SYTL4: variants seen among roughly 807,000 people sequenced by gnomAD.
SYTL4 encodes synaptotagmin like 4, also known as synaptotagmin-like protein 4.
In SYTL4, 16 loss-of-function variants were observed where a neutral mutation model predicts 52.7. The observed-to-expected ratio is 0.30, with a 90% CI of 0.21 to 0.46. The LOEUF (loss-of-function observed/expected upper bound fraction) is 0.46, where lower values mean the gene tolerates loss of function less well. SYTL4 is among the 20% of genes least tolerant of loss of function. SYTL4 has a pLI of 1.00. For missense variants in SYTL4, 423 were observed against 519.9 expected (o/e 0.81, Z 1.81); for synonymous variants, 160 against 186.6 (o/e 0.86, Z 1.16).
At chrX:100,676,511 A>G (rs1319301424) in intron 19 of SYTL4, among the ~76,000 whole-genome samples, 1 of 111,492 alleles carries the variant, frequency 9.0e-6, no homozygotes, top group Non-Finnish European at 1.9e-5. Context: ...TTTGAGACGG[A>G]GCCTCGCTCT....
At chrX:100,728,155 C>T (rs1464403196) in intron 2 of SYTL4, among the ~76,000 whole-genome samples, 2 of 111,434 alleles carry the variant, frequency 1.8e-5, no homozygotes, top group East Asian at 5.6e-4. Context: ...GCTGGGGAGA[C>T]AAATTTAGTA....
chrX:100,709,755 T>C (rs1317577521), intron 2 of SYTL4, among the ~76,000 whole-genome samples: 1 of 112,446 alleles, frequency 8.9e-6, no homozygotes, highest in Non-Finnish European at 1.9e-5. Context: ...GTGTTACCTA[T>C]TTTTGTCAGT....
intron 2 of SYTL4, among the ~76,000 whole-genome samples, chrX:100,725,344 G>A (rs773353636): frequency 8.9e-4 from 100 of 111,969 alleles, no homozygotes; most frequent in Non-Finnish European, 1.7e-3. Flanking sequence ...GACAGAGAGC[G>A]TGAATAGATA....
intron 2 of SYTL4, among the ~76,000 whole-genome samples, chrX:100,707,901 C>G (rs1361201172): frequency 1.8e-5 from 2 of 111,378 alleles, no homozygotes; most frequent in Non-Finnish European, 3.8e-5. Context: ...AATATAGCAT[C>G]CTTGTGGGAC....
intron 8 of SYTL4, among the ~76,000 whole-genome samples, chrX:100,692,210 A>C (rs1021186809): frequency 2.7e-5 from 3 of 111,691 alleles, no homozygotes; most frequent in Non-Finnish European, 5.6e-5. Context: ...GTGCTCCCAT[A>C]GCATCCTGAT....
chrX:100,679,404 C>T lies in SYTL4; in HGVS notation c.1567G>A (p.Gly523Arg). 8.3e-7 allele frequency: 1 copy of T among 1,204,067 alleles called. No individual in the cohort carries two copies. The change falls in exon 18 of 20, where the codon GGG (glycine) becomes AGG (arginine). Residue 523 changes from glycine (G) to arginine (R), a missense_variant. By Grantham distance (125) the Gly-to-Arg change is moderately radical. Transcript: ENST00000372989. ...CACACCTGGAGCTCTCCCCCTTCCC[C>T]ACCTTTACCTGTAAGGGATGTCAGC... ...VGGDRKKSKG[G>R]EGGELQVWIK...
intron 2 of SYTL4, among the ~76,000 whole-genome samples, chrX:100,717,254 T>TA (rs763503266): frequency 0.43 from 44,719 of 104,643 alleles, 7,012 homozygotes; most frequent in East Asian, 0.5. Flanking sequence ...TAAATAATCC[T>TA]AAAAAAAAAA....
At chrX:100,705,627 A>G (rs993787437) in intron 2 of SYTL4, among the ~76,000 whole-genome samples, 2 of 111,378 alleles carry the variant, frequency 1.8e-5, no homozygotes, top group African/African-American at 6.5e-5. Context: ...AGAAATGAGA[A>G]CCATATCAGA....
chrX:100,686,981 G>A, intron 14 of SYTL4, 86 bp downstream of exon 14: 1 of 1,049,332 alleles, frequency 9.5e-7, no homozygotes, highest in Non-Finnish European at 1.3e-6. Context: ...CCCAGAAACA[G>A]ATAAGCTCTG....
intron 2 of SYTL4, among the ~76,000 whole-genome samples, chrX:100,706,531 A>G (rs2083960443): frequency 8.9e-6 from 1 of 112,708 alleles, no homozygotes; most frequent in Admixed American, 9.4e-5. Flanking sequence ...ATCAGTAATG[A>G]GGAGCAGAAA....
At chrX:100,701,796 A>C in intron 5 of SYTL4, 123 bp from the exon 6 acceptor site, 8 of 822,676 alleles carry the variant, frequency 9.7e-6, no homozygotes, top group Non-Finnish European at 1.1e-5. Context: ...CTCAGAGCCC[A>C]GCGTGACCCA....
intron 13 of SYTL4, 124 bp downstream of exon 13, chrX:100,688,227 A>G: frequency 3.7e-6 from 2 of 542,657 alleles, no homozygotes; most frequent in Non-Finnish European, 6.3e-6. Context: ...CAAACAAATG[A>G]TCTTACTTAC....
At chrX:100,726,809 G>A (rs2084528526) in intron 2 of SYTL4, among the ~76,000 whole-genome samples, 1 of 110,692 alleles carries the variant, frequency 9.0e-6, no homozygotes, top group Admixed American at 9.6e-5. Flanking sequence ...ATAAATTTAT[G>A]GGGTACACAT....
chrX:100,683,982 T>C (rs1403280637), intron 16 of SYTL4, among the ~76,000 whole-genome samples: 3 of 111,833 alleles, frequency 2.7e-5, no homozygotes, highest in Non-Finnish European at 5.6e-5. Flanking sequence ...ATATTGACCG[T>C]AGAGAATGAC....
At position 100,714,322 on chromosome X, in the gene SYTL4, C is replaced by G. The variant is rs57273973; in HGVS notation, c.-239-9436G>C. ...TTGCCCAGGCTGGAGTGCAGTGGCA[C>G]GATCTTGGCTCACTGCAAGCTCCGC... is the stretch of plus-strand genomic sequence containing the variant. On this transcript the variant is annotated intron_variant, in intron 2 of 19. Coordinates refer to ENST00000372989, the MANE Select transcript of SYTL4 (RefSeq NM_001370165.1). 4.8e-3 allele frequency among the ~76,000 whole-genome samples: 511 copies of G among 106,602 alleles called. 4 individuals carry two copies. Among genetic ancestry groups the G allele is most frequent in the African/African-American group, 0.017 (482 of 28,623 alleles). 92.6% of individuals were successfully genotyped at this position (106,602 alleles called of 115,157 possible). A position where few individuals can be genotyped will look rare whatever the true frequency, so the allele number is the denominator to read the frequency against.
intron 5 of SYTL4, 24 bp downstream of exon 5, chrX:100,701,904 C>T: frequency 9.8e-6 from 11 of 1,126,543 alleles, no homozygotes; most frequent in Non-Finnish European, 1.3e-5. Context: ...GCCTGGGACC[C>T]CATGCGTTTT....
intron 8 of SYTL4, among the ~76,000 whole-genome samples, chrX:100,700,473 A>G (rs1448044055): frequency 8.9e-6 from 1 of 112,090 alleles, no homozygotes; most frequent in Non-Finnish European, 1.9e-5. Flanking sequence ...CTAATATTAA[A>G]AAGATTTTTC....
At chrX:100,722,049 G>A (rs766919368) in intron 2 of SYTL4, among the ~76,000 whole-genome samples, 47 of 110,976 alleles carry the variant, frequency 4.2e-4, no homozygotes, top group African/African-American at 1.4e-3. Context: ...TGATCCACCC[G>A]CCTCAGCCTC....
rs200868065 is a variant in SYTL4 at position 100,713,619 on chromosome X, A to AG, written c.-239-8734dup. ...CAACAGAGTGAGACTTTGCCTCAAAAGGGGGAAAAAAAAAAGCATATGCCT... is the reference window on the plus strand; with the variant it reads ...CAACAGAGTGAGACTTTGCCTCAAAAGGGGGGAAAAAAAAAAGCATATGCCT... On this transcript the variant is annotated intron_variant, in intron 2 of 19. Coordinates refer to ENST00000372989, the MANE Select transcript of SYTL4 (RefSeq NM_001370165.1). Among the ~76,000 whole-genome samples, 64 of 7,480 alleles carry AG rather than the reference A, an allele frequency of 8.6e-3. No homozygotes were observed. The South Asian group carries it at 0.11, about 13-fold the overall frequency. The allele number at this position is 7,480 out of a possible 115,157, so 6.5% of individuals were successfully genotyped here.
Sources: allele counts gnomAD v4.1 joint callset (sites outside exome capture counted in the v4.1 genomes callset), GRCh38; gene constraint gnomAD v4.1.1; transcripts MANE v1.5; gene names NCBI Gene and HGNC (gene_info 2026-07-23, HGNC 2026-07-21).